Variants in ANKS1B observed in about 807,000 individuals in gnomAD.
ANKS1B encodes the protein ankyrin repeat and sterile alpha motif domain-containing protein 1B.
Under a neutral mutation model 148.3 loss-of-function variants are expected in ANKS1B, and 36 were observed. That is an observed-to-expected ratio of 0.24 (90% CI 0.19 to 0.32). The LOEUF is 0.32. Among genes scored for constraint, ANKS1B ranks in the 10% least tolerant of loss-of-function variants. The pLI, the probability that ANKS1B is intolerant of heterozygous loss-of-function variation, is 1.00. For synonymous variants in ANKS1B, 542 were observed against 560.8 expected (o/e 0.97, Z 0.47); for missense variants, 1,157 against 1,542.6 (o/e 0.75, Z 4.19).
At chr12:98,755,623 G>A (rs957795506) in intron 25 of ANKS1B, among the ~76,000 whole-genome samples, 3 of 152,200 alleles carry the variant, frequency 2.0e-5, no homozygotes, top group Non-Finnish European at 4.4e-5. Context: ...GATGTGCCAA[G>A]CATTATCTTT....
In ANKS1B at chr12:98,832,149, AT is replaced by A; in HGVS notation, c.2779-14del. The A allele has an allele frequency of 1.3e-6, 2 of 1,540,222 alleles. No individual in the cohort carries two copies. The highest frequency in any genetic ancestry group is 1.8e-6 in the Non-Finnish European group (2 of 1,136,518). Reference sequence around the variant, plus strand: ...TGATTTTTAAAACCTGAAACAACATATATTTGGGTTAAATATTTCACTGGAG... The same window carrying A: ...TGATTTTTAAAACCTGAAACAACATAATTTGGGTTAAATATTTCACTGGAG... On this transcript the variant is annotated splice_polypyrimidine_tract_variant and intron_variant, in intron 17 of 26. Transcript: ENST00000683438.
chr12:99,579,557 C>G (rs1208666227), intron 9 of ANKS1B, among the ~76,000 whole-genome samples: 1 of 151,866 alleles, frequency 6.6e-6, no homozygotes, highest in Non-Finnish European at 1.5e-5. Context: ...CAGACACTTC[C>G]AAAAAGGAGA....
rs942894423 is a variant in ANKS1B, at chr12:99,560,600, C to G, written c.1273-55959G>C. Among the ~76,000 whole-genome samples, 6 of 152,108 alleles carry G rather than the reference C, an allele frequency of 3.9e-5. No homozygotes were observed. The East Asian group carries it at 9.6e-4, about 24-fold the overall frequency. On this transcript the variant is annotated intron_variant, in intron 9 of 26. Transcript: ENST00000683438. ...TTTTCATTTCACCCGGGCATATAAACATTATACTTACACTATACTATATTC... is the reference window on the plus strand; with the variant it reads ...TTTTCATTTCACCCGGGCATATAAAGATTATACTTACACTATACTATATTC...
At chr12:98,889,958 A>C (rs1358511540) in intron 17 of ANKS1B, among the ~76,000 whole-genome samples, 2 of 152,134 alleles carry the variant, frequency 1.3e-5, no homozygotes, top group African/African-American at 4.8e-5. Context: ...GAAGGAAAGG[A>C]ATTAAAGAGG....
At chr12:98,953,413 A>G (rs945503195) in intron 17 of ANKS1B, among the ~76,000 whole-genome samples, 20 of 152,118 alleles carry the variant, frequency 1.3e-4, no homozygotes, top group Non-Finnish European at 2.8e-4. Context: ...TTGGCCTCCC[A>G]AAATGCTGAA....
intron 14 of ANKS1B, among the ~76,000 whole-genome samples, chr12:99,186,001 C>T (rs945410561): frequency 6.6e-6 from 1 of 152,222 alleles, no homozygotes; most frequent in Non-Finnish European, 1.5e-5. Context: ...GCTTGAAATT[C>T]TCACTGCCAG....
intron 12 of ANKS1B, among the ~76,000 whole-genome samples, chr12:99,286,649 T>C (rs2079156845): frequency 6.6e-6 from 1 of 152,076 alleles, no homozygotes; most frequent in Non-Finnish European, 1.5e-5. Flanking sequence ...CATTTCTGGA[T>C]CCATCCTGGG....
At chr12:99,448,712 T>TA (rs959343703) in intron 10 of ANKS1B, among the ~76,000 whole-genome samples, 4 of 152,050 alleles carry the variant, frequency 2.6e-5, no homozygotes, top group African/African-American at 7.2e-5. Flanking sequence ...TAAAAATAAT[T>TA]AAATTTTTTA....
At chr12:99,017,909 T>A (rs2099943501) in intron 17 of ANKS1B, among the ~76,000 whole-genome samples, 1 of 152,174 alleles carries the variant, frequency 6.6e-6, no homozygotes, top group African/African-American at 2.4e-5. Context: ...ATGTAATCAC[T>A]TGTCTCACTG....
intron 12 of ANKS1B, among the ~76,000 whole-genome samples, chr12:99,272,608 A>G (rs981243046): frequency 6.6e-6 from 1 of 152,234 alleles, no homozygotes; most frequent in Non-Finnish European, 1.5e-5. Context: ...AAATATGTAC[A>G]GCTATTATAT....
intron 3 of ANKS1B, 101 bp downstream of exon 3, chr12:99,812,054 G>T: frequency 7.3e-7 from 1 of 1,373,692 alleles, no homozygotes; most frequent in Non-Finnish European, 9.7e-7. Flanking sequence ...CAATGGAAAG[G>T]CCTTTGGGCA....
At chr12:99,020,876 CAGG>C (rs1348242034) in intron 17 of ANKS1B, among the ~76,000 whole-genome samples, 1 of 152,006 alleles carries the variant, frequency 6.6e-6, no homozygotes, top group African/African-American at 2.4e-5. Context: ...CAGAGAAGTG[CAGG>C]AGAAGAGAGA....
chr12:99,545,358 T>A (rs1372302811), intron 9 of ANKS1B, among the ~76,000 whole-genome samples: 1 of 152,152 alleles, frequency 6.6e-6, no homozygotes, highest in Non-Finnish European at 1.5e-5. Flanking sequence ...TTTTCCTGTC[T>A]TTTAACTCTT....
intron 14 of ANKS1B, among the ~76,000 whole-genome samples, chr12:99,174,393 A>C (rs1195710785): frequency 6.6e-6 from 1 of 152,224 alleles, no homozygotes; most frequent in Admixed American, 6.5e-5. Flanking sequence ...GAGATTATAA[A>C]ATGTATGCTG....
At chr12:99,806,289 A>G in intron 4 of ANKS1B, 115 bp downstream of exon 4, 2 of 1,326,590 alleles carry the variant, frequency 1.5e-6, no homozygotes, top group Non-Finnish European at 2.1e-6. Flanking sequence ...AGTAGTTACA[A>G]AAGTACTTGT....
At chr12:99,273,137 A>G (rs2077236853) in intron 12 of ANKS1B, among the ~76,000 whole-genome samples, 3 of 152,114 alleles carry the variant, frequency 2.0e-5, no homozygotes, top group Admixed American at 2.0e-4. Flanking sequence ...ATCTTATTGG[A>G]GTTGTTCACT....
chr12:98,804,276 G>A (rs961118591), intron 20 of ANKS1B, among the ~76,000 whole-genome samples: 1 of 152,170 alleles, frequency 6.6e-6, no homozygotes, highest in Non-Finnish European at 1.5e-5. Flanking sequence ...TCTGGAAAGA[G>A]ACACTGAATT....
intron 11 of ANKS1B, among the ~76,000 whole-genome samples, chr12:99,435,588 AC>A: frequency 6.6e-6 from 1 of 151,982 alleles, no homozygotes; most frequent in Admixed American, 6.6e-5. Context: ...GCACCATGGC[AC>A]CTTTTATCTG....
At chr12:99,324,987 A>G (rs2086028143) in intron 12 of ANKS1B, among the ~76,000 whole-genome samples, 1 of 152,102 alleles carries the variant, frequency 6.6e-6, no homozygotes, top group South Asian at 2.1e-4. Context: ...TCATTGGTAA[A>G]TACACCTCAT....
Sources: gnomAD v4.1 joint callset for allele counts (sites outside exome capture counted in the v4.1 genomes callset) on GRCh38, gnomAD v4.1.1 for gene constraint, MANE v1.5 for transcripts, NCBI Gene and HGNC (gene_info 2026-07-23, HGNC 2026-07-21) for gene names.